Variants in CDKL5 observed in about 807,000 individuals in gnomAD.
CDKL5 encodes cyclin dependent kinase like 5, also known as cyclin-dependent kinase-like 5.
A neutral mutation model predicts 61.7 loss-of-function variants in CDKL5; 8 were observed. The observed-to-expected ratio is 0.13, with a 90% confidence interval of 0.08 to 0.23. The LOEUF (loss-of-function observed/expected upper bound fraction) is 0.23. Among genes scored for constraint, CDKL5 ranks in the 10% least tolerant of loss-of-function variants. The pLI, the probability that CDKL5 is intolerant of heterozygous loss-of-function variation, is 1.00. For missense variants in CDKL5, 440 were observed against 734.5 expected (o/e 0.60, Z 4.63); for synonymous variants, 275 against 272.3 (o/e 1.01, Z -0.10).
intron 3 of CDKL5, among the ~76,000 whole-genome samples, chrX:18,553,534 G>A (rs1023911689): frequency 3.7e-5 from 4 of 108,123 alleles, no homozygotes; most frequent in Non-Finnish European, 7.7e-5. Context: ...CTGTCTGCCC[G>A]GTGGCTGGAG....
chrX:18,503,248 A>G (rs1420248663), intron 1 of CDKL5, among the ~76,000 whole-genome samples: 2 of 112,571 alleles, frequency 1.8e-5, no homozygotes, highest in Admixed American at 9.4e-5. Flanking sequence ...CAATGGCACA[A>G]TCTTGGCTTA....
chrX:18,482,079 T>G (rs956929828), intron 1 of CDKL5, among the ~76,000 whole-genome samples: 2 of 111,657 alleles, frequency 1.8e-5, no homozygotes, highest in African/African-American at 6.5e-5. Context: ...GTAGATTTTC[T>G]TGACTAAATA....
intron 1 of CDKL5, among the ~76,000 whole-genome samples, chrX:18,447,797 A>G (rs896328679): frequency 7.2e-5 from 8 of 111,325 alleles, no homozygotes; most frequent in Non-Finnish European, 1.1e-4. Flanking sequence ...TACCCCAAGG[A>G]TTTCAGTTGC....
chrX:18,575,017 A>G (rs754657596), intron 4 of CDKL5, among the ~76,000 whole-genome samples: 7 of 111,705 alleles, frequency 6.3e-5, no homozygotes, highest in Admixed American at 2.9e-4. Flanking sequence ...TCAGATGACA[A>G]TGGAGGCATA....
In CDKL5 at chrX:18,522,997, T is replaced by C. The variant is rs1008400138; in HGVS notation, c.99+12143T>C. ...TTTTAGTAGAGACAGAGTTTCACCA[T>C]GTTGGCCAGGCTGGTTTTGAACTCC... On this transcript the variant is annotated intron_variant, in intron 3 of 17. Coordinates refer to ENST00000623535, the MANE Select transcript of CDKL5 (RefSeq NM_001323289.2). Among the ~76,000 whole-genome samples, 3 of 110,085 alleles carry C rather than the reference T, an allele frequency of 2.7e-5. No individual in the cohort carries two copies. In the Admixed American group the frequency reaches 2.9e-4, roughly 11 times the overall value.
chrX:18,639,972 C>T lies in CDKL5; in HGVS notation c.*11215C>T, dbSNP rs183120067. 3 of 111,703 alleles carry T rather than the reference C, an allele frequency of 2.7e-5. No homozygotes were observed. The highest frequency in any genetic ancestry group is 3.8e-5 in the Non-Finnish European group (2 of 53,136). 9.2% of individuals were successfully genotyped at this position (111,703 alleles called of 1,213,427 possible). A position where few individuals can be genotyped will look rare whatever the true frequency, so the allele number is the denominator to read the frequency against. On this transcript the variant is annotated 3_prime_UTR_variant, in exon 18 of 18. Transcript: ENST00000623535. ...CAGAAGGCCAATCTACAGAGACAGT[C>T]GATTCGTGGTTGCAGAGGGCTTGGG... is the stretch of plus-strand genomic sequence containing the variant.
In CDKL5 at chrX:18,632,635, G is replaced by A. The variant is rs185119156; in HGVS notation, c.*3878G>A. ...TTTGGTTAAATCTGTTTTAAAACAT[G>A]CTTTAAGATTCACCTTACGCAGTTG... On this transcript the variant is annotated 3_prime_UTR_variant, in exon 18 of 18. Coordinates refer to ENST00000623535, the MANE Select transcript of CDKL5 (RefSeq NM_001323289.2). The A allele has an allele frequency of 1.2e-5, 9 of 753,094 alleles. No individual in the cohort carries two copies. The East Asian group carries it at 1.4e-3, about 114-fold the overall frequency. The allele number at this position is 753,094 out of a possible 1,213,427, so 62.1% of individuals were successfully genotyped here. A position where few individuals can be genotyped will look rare whatever the true frequency, so the allele number is the denominator to read the frequency against.
In CDKL5 at chrX:18,555,429, G is replaced by A. The variant is rs145011020; in HGVS notation, c.100-9048G>A. 4.4e-3 allele frequency among the ~76,000 whole-genome samples: 493 copies of A among 112,117 alleles called. 3 individuals carry two copies. Among genetic ancestry groups the A allele is most frequent in the African/African-American group, 0.016 (486 of 30,909 alleles). On this transcript the variant is annotated intron_variant, in intron 3 of 17. Transcript: ENST00000623535. Reference sequence around the variant, plus strand: ...ATACAATTTATGGGCAGATTCATTCGTAGTGATAAAAATGTGTGGGAATGA... The same window carrying A: ...ATACAATTTATGGGCAGATTCATTCATAGTGATAAAAATGTGTGGGAATGA...
chrX:18,593,445 A>T (rs1187590504), intron 9 of CDKL5, among the ~76,000 whole-genome samples: 1 of 111,848 alleles, frequency 8.9e-6, no homozygotes, highest in Non-Finnish European at 1.9e-5. Context: ...TAGACCTCAT[A>T]CACAAAATAT....
intron 12 of CDKL5, 130 bp downstream of exon 12, chrX:18,604,998 G>A (rs939525931): frequency 5.0e-5 from 39 of 778,794 alleles, no homozygotes; most frequent in South Asian, 8.7e-5. Flanking sequence ...ATGCATTTAG[G>A]GAAGCAATAC....
intron 3 of CDKL5, among the ~76,000 whole-genome samples, chrX:18,541,284 C>G (rs1373495452): frequency 9.0e-6 from 1 of 111,651 alleles, no homozygotes; most frequent in African/African-American, 3.3e-5. Context: ...TTTGTCCCAT[C>G]CTTCTGAACC....
chrX:18,593,467 G>C (rs1201070094), intron 9 of CDKL5, among the ~76,000 whole-genome samples: 1 of 111,456 alleles, frequency 9.0e-6, no homozygotes, highest in Non-Finnish European at 1.9e-5. Flanking sequence ...AACATGTACT[G>C]GTATAGGGTC....
chrX:18,608,748 C>A, intron 12 of CDKL5, 63 bp from the exon 13 acceptor site: 1 of 731,496 alleles, frequency 1.4e-6, no homozygotes, highest in Non-Finnish European at 2.2e-6. Flanking sequence ...AAATAAAGGC[C>A]ATGATGAGTT....
intron 21 of CDKL5, among the ~76,000 whole-genome samples, chrX:18,651,681 C>T (rs762834015): frequency 1.8e-5 from 2 of 111,496 alleles, no homozygotes; most frequent in Non-Finnish European, 3.8e-5. Context: ...GGAGAAAAGA[C>T]CTTCAAAAAT....
At chrX:18,522,715 T>C (rs898467304) in intron 3 of CDKL5, among the ~76,000 whole-genome samples, 3 of 110,803 alleles carry the variant, frequency 2.7e-5, no homozygotes, top group Non-Finnish European at 5.6e-5. Flanking sequence ...TTAAGCTATT[T>C]TAAATGAAAT....
chrX:18,540,378 T>C (rs1463785338), intron 3 of CDKL5, among the ~76,000 whole-genome samples: 1 of 111,401 alleles, frequency 9.0e-6, no homozygotes, highest in African/African-American at 3.3e-5. Flanking sequence ...GGTTTTGCCA[T>C]GTTGCCCAGG....
chrX:18,505,509 G>C (rs1679086956), intron 1 of CDKL5, among the ~76,000 whole-genome samples: 1 of 112,010 alleles, frequency 8.9e-6, no homozygotes, highest in Non-Finnish European at 1.9e-5. Context: ...CTTTAATCTG[G>C]AATAGTCGCT....
chrX:18,579,030 A>T (rs775006768), intron 5 of CDKL5, among the ~76,000 whole-genome samples: 3 of 111,575 alleles, frequency 2.7e-5, no homozygotes, highest in African/African-American at 9.8e-5. Flanking sequence ...CAGTCTTATT[A>T]TGAATATAGT....
intron 1 of CDKL5, among the ~76,000 whole-genome samples, chrX:18,438,299 C>G (rs1249987740): frequency 9.2e-6 from 1 of 108,862 alleles, no homozygotes; most frequent in Non-Finnish European, 1.9e-5. Flanking sequence ...CTCCTGACCT[C>G]ATGATCTGCC....
Sources: gnomAD v4.1 joint callset for allele counts (sites outside exome capture counted in the v4.1 genomes callset) on GRCh38, gnomAD v4.1.1 for gene constraint, MANE v1.5 for transcripts, NCBI Gene and HGNC (gene_info 2026-07-23, HGNC 2026-07-21) for gene names.